RAP1GDS1: variants seen among roughly 807,000 people sequenced by gnomAD.
The protein encoded by RAP1GDS1 is Rap1 GTPase-GDP dissociation stimulator 1.
Under a neutral mutation model 71.1 loss-of-function variants are expected in RAP1GDS1, and 35 were observed. The observed-to-expected ratio is 0.49, with a 90% CI of 0.38 to 0.65. RAP1GDS1 has a LOEUF of 0.65. RAP1GDS1 is among the 30% of genes least tolerant of loss of function. RAP1GDS1 has a pLI of 0.00. For missense variants in RAP1GDS1, 663 were observed against 706.1 expected, an observed-to-expected ratio of 0.94 and a Z score of 0.69; for synonymous variants, 229 against 243.1, an observed-to-expected ratio of 0.94 and a Z score of 0.54.
chr4:98,263,639 G>A (rs1722330061), intron 1 of RAP1GDS1, among the ~76,000 whole-genome samples: 1 of 152,192 alleles, frequency 6.6e-6, no homozygotes, highest in Admixed American at 6.5e-5. Context: ...CCCAGAAGAT[G>A]AAAAGTGTCT....
chr4:98,415,671 G>T (rs1747843803), intron 7 of RAP1GDS1, among the ~76,000 whole-genome samples: 2 of 152,182 alleles, frequency 1.3e-5, no homozygotes. Context: ...TGATGTGGGG[G>T]TGGAGTTTCC....
chr4:98,392,867 T>G (rs942661107), intron 6 of RAP1GDS1, among the ~76,000 whole-genome samples: 3 of 151,644 alleles, frequency 2.0e-5, no homozygotes, highest in Admixed American at 6.6e-5. Context: ...GAAAACAAAA[T>G]CTGTGGAATC....
intron 4 of RAP1GDS1, 59 bp from the exon 5 acceptor site, chr4:98,378,958 G>T: frequency 7.1e-7 from 1 of 1,407,364 alleles, no homozygotes; most frequent in African/African-American, 1.5e-5. Flanking sequence ...TTTTGTATTT[G>T]AAATTGTAAG....
chr4:98,380,712 C>T (rs1480247640), intron 5 of RAP1GDS1, among the ~76,000 whole-genome samples: 1 of 151,728 alleles, frequency 6.6e-6, no homozygotes, highest in African/African-American at 2.4e-5. Flanking sequence ...GTCAGATTTT[C>T]ATATTGTTTT....
rs533345128 is a variant in RAP1GDS1 at position 98,278,616 on chromosome 4, T to A, written c.5-14792T>A. On this transcript the variant is annotated intron_variant, in intron 1 of 14. Coordinates refer to ENST00000408927, the MANE Select transcript of RAP1GDS1 (RefSeq NM_001100427.2). ...ATAGATTCTCTGCTCTCCCATGAACTGTGTATAGCCTTCAGCAAGTTGCTT... is the reference window on the plus strand; with the variant it reads ...ATAGATTCTCTGCTCTCCCATGAACAGTGTATAGCCTTCAGCAAGTTGCTT... Among the ~76,000 whole-genome samples the A allele has an allele frequency of 1.1e-4, 17 of 152,304 alleles. No individual in the cohort carries two copies. In the East Asian group the frequency reaches 1.5e-3, roughly 14 times the overall value.
chr4:98,323,121 C>T (rs1161520134), intron 2 of RAP1GDS1, among the ~76,000 whole-genome samples: 1 of 149,816 alleles, frequency 6.7e-6, no homozygotes, highest in Non-Finnish European at 1.5e-5. Context: ...ATACAAACTA[C>T]CATCAGAGAA....
At chr4:98,359,884 A>C (rs1738470522) in intron 4 of RAP1GDS1, among the ~76,000 whole-genome samples, 1 of 152,166 alleles carries the variant, frequency 6.6e-6, no homozygotes. Context: ...AGAGAACGAA[A>C]TTATATTGTA....
intron 12 of RAP1GDS1, among the ~76,000 whole-genome samples, chr4:98,426,821 A>G (rs1163770552): frequency 6.6e-6 from 1 of 152,194 alleles, no homozygotes; most frequent in Non-Finnish European, 1.5e-5. Context: ...TCCTATTGAC[A>G]CTATTCCAAA....
At chr4:98,399,996 T>A (rs1319400713) in intron 6 of RAP1GDS1, among the ~76,000 whole-genome samples, 2 of 151,800 alleles carry the variant, frequency 1.3e-5, no homozygotes, top group South Asian at 2.1e-4. Flanking sequence ...CTGCAAAAAA[T>A]TTAAAAATTA....
intron 2 of RAP1GDS1, among the ~76,000 whole-genome samples, chr4:98,314,842 G>T (rs1053967775): frequency 6.6e-6 from 1 of 152,076 alleles, no homozygotes; most frequent in Non-Finnish European, 1.5e-5. Context: ...CATTTTATCC[G>T]GGTCCTGATG....
chr4:98,312,414 G>A lies in RAP1GDS1; in HGVS notation c.112+18899G>A, dbSNP rs542213371. Among the ~76,000 whole-genome samples, 19 of 152,190 alleles carry A rather than the reference G, an allele frequency of 1.2e-4. No individual in the cohort carries two copies. In the Middle Eastern group the frequency reaches 0.014, roughly 109 times the overall value. On this transcript the variant is annotated intron_variant, in intron 2 of 14. Transcript: ENST00000408927. ...TCATTGGTCCTATTTCTAGCTCCTA[G>A]ATAAACATACAATGTGCTTTCTCCC...
chr4:98,274,605 T>C (rs1428872449), intron 1 of RAP1GDS1, among the ~76,000 whole-genome samples: 1 of 152,194 alleles, frequency 6.6e-6, no homozygotes, highest in Admixed American at 6.5e-5. Flanking sequence ...TTGCAACACA[T>C]CTTAACGGAT....
chr4:98,318,516 A>G (rs942799549), intron 2 of RAP1GDS1, among the ~76,000 whole-genome samples: 2 of 152,226 alleles, frequency 1.3e-5, no homozygotes, highest in Non-Finnish European at 2.9e-5. Flanking sequence ...ATTGTACTGT[A>G]CTTAACCTTC....
At position 98,343,132 on chromosome 4, in the gene RAP1GDS1, C is replaced by CT; in HGVS notation, c.113-3dup. On this transcript the variant is annotated splice_polypyrimidine_tract_variant and splice_region_variant and intron_variant, in intron 2 of 14. Coordinates refer to ENST00000408927, the MANE Select transcript of RAP1GDS1 (RefSeq NM_001100427.2). ...TCACTGAAGCTCTTTGTATGTATCT[C>CT]TTTTAGATACGGAAACAAGTGAAAA... is the stretch of plus-strand genomic sequence containing the variant. The CT allele has an allele frequency of 6.2e-7, 1 of 1,606,020 alleles. No homozygotes were observed. The highest frequency in any genetic ancestry group is 2.2e-5 in the East Asian group (1 of 44,724).
At chr4:98,292,987 T>G (rs1299105620) in intron 1 of RAP1GDS1, among the ~76,000 whole-genome samples, 2 of 152,134 alleles carry the variant, frequency 1.3e-5, no homozygotes, top group African/African-American at 4.8e-5. Flanking sequence ...TATTTTGAAA[T>G]TTTTCTAAAC....
At chr4:98,428,599 G>A (rs978563043) in intron 12 of RAP1GDS1, among the ~76,000 whole-genome samples, 9 of 152,092 alleles carry the variant, frequency 5.9e-5, no homozygotes, top group Admixed American at 1.3e-4. Flanking sequence ...AAAATGCTCA[G>A]CATCACTAAT....
intron 13 of RAP1GDS1, among the ~76,000 whole-genome samples, chr4:98,435,137 G>A (rs988277770): frequency 2.6e-5 from 4 of 152,136 alleles, no homozygotes; most frequent in Admixed American, 2.6e-4. Flanking sequence ...CCAATTCAAA[G>A]CCATTTGGGT....
chr4:98,418,096 A>C (rs1748272724), intron 9 of RAP1GDS1, among the ~76,000 whole-genome samples: 1 of 151,974 alleles, frequency 6.6e-6, no homozygotes, highest in South Asian at 2.1e-4. Context: ...TCCAGTACAA[A>C]CTGTTGGTAT....
At chr4:98,300,960 G>C (rs1225424679) in intron 2 of RAP1GDS1, among the ~76,000 whole-genome samples, 1 of 151,828 alleles carries the variant, frequency 6.6e-6, no homozygotes, top group African/African-American at 2.4e-5. Flanking sequence ...CTTACTTTCA[G>C]GTAGCAAAGT....
Sources: allele counts gnomAD v4.1 joint callset (sites outside exome capture counted in the v4.1 genomes callset), GRCh38; gene constraint gnomAD v4.1.1; transcripts MANE v1.5; gene names NCBI Gene and HGNC (gene_info 2026-07-23, HGNC 2026-07-21).